Variants in RBFOX1 observed in about 807,000 individuals in gnomAD.
RBFOX1 encodes the protein RNA binding fox-1 homolog 1, also known as RNA binding protein fox-1 homolog 1.
Under a neutral mutation model 57.7 loss-of-function variants are expected in RBFOX1, and 8 were observed. The observed-to-expected ratio is 0.14, with a 90% CI of 0.08 to 0.25. The LOEUF (loss-of-function observed/expected upper bound fraction) is 0.25. RBFOX1 is among the 10% of genes least tolerant of loss of function. RBFOX1 has a pLI of 1.00. For synonymous variants in RBFOX1, 326 were observed against 222.4 expected (o/e 1.47, Z -4.15); for missense variants, 611 against 548.5 (o/e 1.11, Z -1.14).
chr16:5,319,125 T>TCAAA (rs112510210), intron 1 of RBFOX1, among the ~76,000 whole-genome samples: 13,760 of 151,214 alleles, frequency 0.091, 1,149 homozygotes, highest in African/African-American at 0.23. Flanking sequence ...AGACTCTGTC[T>TCAAA]CAAACAAACA....
intron 1 of RBFOX1, among the ~76,000 whole-genome samples, chr16:5,257,798 C>G (rs1406036350): frequency 3.3e-5 from 5 of 152,144 alleles, no homozygotes; most frequent in African/African-American, 1.2e-4. Context: ...ACTTCCTCTA[C>G]TCTGCACCAA....
chr16:7,310,861 C>T (rs140801422), intron 4 of RBFOX1, among the ~76,000 whole-genome samples: 1 of 152,326 alleles, frequency 6.6e-6, no homozygotes, highest in African/African-American at 2.4e-5. Context: ...TCCCAGGGAG[C>T]AAAGCAAAGG....
chr16:6,616,734 A>C (rs1199062182), intron 2 of RBFOX1, among the ~76,000 whole-genome samples: 1 of 152,210 alleles, frequency 6.6e-6, no homozygotes, highest in Admixed American at 6.5e-5. Flanking sequence ...CATGCCCGGC[A>C]ATAAGTTTTC....
chr16:5,413,706 C>CT (rs1336436701), intron 1 of RBFOX1, among the ~76,000 whole-genome samples: 1 of 152,202 alleles, frequency 6.6e-6, no homozygotes, highest in Non-Finnish European at 1.5e-5. Context: ...ACAATTAAAG[C>CT]AAGTCTCTTT....
At position 5,974,724 on chromosome 16, in the gene RBFOX1, C is replaced by G. The variant is rs1196619586; in HGVS notation, c.351+107389C>G. On this transcript the variant is annotated intron_variant, in intron 4 of 19. Transcript: ENST00000641259. ...GAACTTTACTATTTAAAAGTAAAAA[C>G]CAAGCCAGGCGCAGTGGCTCACGTC... is the stretch of plus-strand genomic sequence containing the variant. Among the ~76,000 whole-genome samples, 3 of 152,196 alleles carry G rather than the reference C, an allele frequency of 2.0e-5. No homozygotes were observed. The East Asian group carries it at 5.8e-4, about 29-fold the overall frequency.
At chr16:7,380,434 T>TA (rs1338683098) in intron 4 of RBFOX1, among the ~76,000 whole-genome samples, 2 of 152,242 alleles carry the variant, frequency 1.3e-5, no homozygotes, top group East Asian at 3.8e-4. Flanking sequence ...TGTTACCACT[T>TA]AAAAATAGTG....
chr16:7,676,938 T>TG lies in RBFOX1; in HGVS notation c.995+105dup. On this transcript the variant is annotated intron_variant, in intron 14 of 15. Coordinates refer to ENST00000550418, the MANE Select transcript of RBFOX1 (RefSeq NM_018723.4). Reference sequence around the variant, plus strand: ...GGTCTTGGTGAAACTGCATGACTGCTGGGGGAGGTAGCACCCCAAAAGTTA... The same window carrying TG: ...GGTCTTGGTGAAACTGCATGACTGCTGGGGGGAGGTAGCACCCCAAAAGTTA... 3.2e-6 allele frequency: 4 copies of TG among 1,243,100 alleles called. No individual in the cohort carries two copies. In the South Asian group the frequency reaches 3.7e-5, roughly 12 times the overall value. 77.0% of individuals were successfully genotyped at this position (1,243,100 alleles called of 1,614,324 possible).
chr16:5,819,889 T>C (rs944689608), intron 3 of RBFOX1, among the ~76,000 whole-genome samples: 2 of 152,232 alleles, frequency 1.3e-5, no homozygotes, highest in Non-Finnish European at 2.9e-5. Context: ...TGTCACTTTT[T>C]CATTCATCAC....
At chr16:7,392,263 A>G (rs551828698) in intron 4 of RBFOX1, among the ~76,000 whole-genome samples, 20 of 152,260 alleles carry the variant, frequency 1.3e-4, no homozygotes, top group South Asian at 8.3e-4. Context: ...AGGTTGGACA[A>G]CTTTCCCCTG....
intron 2 of RBFOX1, chr16:6,483,877 A>T (rs896467019): frequency 8.5e-6 from 10 of 1,181,590 alleles, no homozygotes; most frequent in Non-Finnish European, 1.1e-5. Context: ...CGGAGATGGA[A>T]GGATGAGGCT....
intron 3 of RBFOX1, among the ~76,000 whole-genome samples, chr16:6,890,857 G>C (rs114070781): frequency 8.7e-4 from 132 of 152,294 alleles, no homozygotes; most frequent in Non-Finnish European, 1.5e-3. Flanking sequence ...AGCAGACTCA[G>C]TAGAACTCTA....
At chr16:5,701,502 G>A (rs1409475479) in intron 3 of RBFOX1, among the ~76,000 whole-genome samples, 2 of 151,690 alleles carry the variant, frequency 1.3e-5, no homozygotes, top group African/African-American at 4.8e-5. Flanking sequence ...GAATGCAGTA[G>A]CACCACCTCA....
At chr16:6,537,102 G>A (rs763463393) in intron 2 of RBFOX1, among the ~76,000 whole-genome samples, 1 of 152,000 alleles carries the variant, frequency 6.6e-6, no homozygotes, top group African/African-American at 2.4e-5. Context: ...TCCTTCCAGC[G>A]TTCCATACCA....
intron 4 of RBFOX1, among the ~76,000 whole-genome samples, chr16:7,076,663 C>G (rs2058354757): frequency 6.6e-6 from 1 of 152,122 alleles, no homozygotes; most frequent in African/African-American, 2.4e-5. Flanking sequence ...ATCATACTAA[C>G]AAAGGTTAAC....
chr16:5,521,336 C>T (rs890974353), intron 2 of RBFOX1, among the ~76,000 whole-genome samples: 5 of 122,208 alleles, frequency 4.1e-5, no homozygotes, highest in Non-Finnish European at 7.8e-5. Flanking sequence ...CATGCAGACT[C>T]AGCAGCTTTT....
chr16:7,166,845 G>A (rs561463634), intron 4 of RBFOX1, among the ~76,000 whole-genome samples: 20 of 152,138 alleles, frequency 1.3e-4, no homozygotes, highest in African/African-American at 4.3e-4. Flanking sequence ...GAAACAACTC[G>A]GGGGTGGTGC....
chr16:5,868,251 C>G (rs1371135773), intron 4 of RBFOX1, among the ~76,000 whole-genome samples: 3 of 152,206 alleles, frequency 2.0e-5, no homozygotes. Flanking sequence ...ACCCAGGTCC[C>G]AGGAGCCCAG....
chr16:7,644,189 G>A (rs1042751714), intron 11 of RBFOX1, among the ~76,000 whole-genome samples: 1 of 152,158 alleles, frequency 6.6e-6, no homozygotes, highest in East Asian at 1.9e-4. Flanking sequence ...TCAAACCGCT[G>A]GGTGAGTATC....
At chr16:6,624,248 G>C (rs189036312) in intron 2 of RBFOX1, among the ~76,000 whole-genome samples, 1 of 152,300 alleles carries the variant, frequency 6.6e-6, no homozygotes, top group East Asian at 1.9e-4. Context: ...GAAACTTTGG[G>C]TCAGTTAAAT....
Sources: allele counts gnomAD v4.1 joint callset (sites outside exome capture counted in the v4.1 genomes callset), GRCh38; gene constraint gnomAD v4.1.1; transcripts MANE v1.5; gene names NCBI Gene and HGNC (gene_info 2026-07-23, HGNC 2026-07-21).